SLC5A6: variants seen among roughly 807,000 people sequenced by gnomAD.
SLC5A6 encodes the protein sodium-dependent multivitamin transporter.
In SLC5A6, 31 loss-of-function variants were observed where a neutral mutation model predicts 67.9. That is an observed-to-expected ratio of 0.46 (90% CI 0.34 to 0.62). SLC5A6 has a LOEUF of 0.62. Among genes scored for constraint, SLC5A6 ranks in the 20% least tolerant of loss-of-function variants. SLC5A6 has a pLI of 0.01. For missense variants in SLC5A6, 673 were observed against 812.8 expected (o/e 0.83, Z 2.09); for synonymous variants, 343 against 331.0 (o/e 1.04, Z -0.39).
chr2:27,205,034 G>T, intron 7 of SLC5A6, 103 bp from the exon 8 acceptor site: 1 of 1,390,840 alleles, frequency 7.2e-7, no homozygotes, highest in Non-Finnish European at 1.0e-6. Context: ...AGACACCACT[G>T]CTAGGGCCAA....
rs576386809 is a variant in SLC5A6 at position 27,210,586 on chromosome 2, G to C, written c.-141+881C>G. 2.5e-3 allele frequency among the ~76,000 whole-genome samples: 371 copies of C among 151,386 alleles called. 1 individual carries two copies. The highest frequency in any genetic ancestry group is 7.1e-3 in the African/African-American group (293 of 41,314). ...GCTGGGACTACAGGCATGTGCTACCGCGCCCAGCTAATTTTTTTTTTTTTT... is the reference window on the plus strand; with the variant it reads ...GCTGGGACTACAGGCATGTGCTACCCCGCCCAGCTAATTTTTTTTTTTTTT... On this transcript the variant is annotated intron_variant, in intron 2 of 16. Coordinates refer to ENST00000310574, the MANE Select transcript of SLC5A6 (RefSeq NM_021095.4).
chr2:27,204,782 T>C lies in SLC5A6; in HGVS notation c.875+9A>G, dbSNP rs1673924416. 6.2e-7 allele frequency: 1 copy of C among 1,614,118 alleles called. No homozygotes were observed. The highest frequency in any genetic ancestry group is 1.7e-5 in the Admixed American group (1 of 60,026). On this transcript the variant is annotated intron_variant, in intron 8 of 16. Transcript: ENST00000310574. ...CCTTGCTCCACTCCCTTCCTGTCCC[T>C]GCACTCACAGCACAGCAGCCTTCTC...
chr2:27,208,111 C>T (rs1674206822), intron 2 of SLC5A6, among the ~76,000 whole-genome samples: 1 of 152,212 alleles, frequency 6.6e-6, no homozygotes, highest in Admixed American at 6.5e-5. Flanking sequence ...TTCCCAGCCC[C>T]ACTTGAAGGC....
At position 27,205,521 on chromosome 2, in the gene SLC5A6, G is replaced by A. The variant is rs762976546; in HGVS notation, c.580-17C>T. 5 of 1,613,954 alleles carry A rather than the reference G, an allele frequency of 3.1e-6. No individual in the cohort carries two copies. Among genetic ancestry groups the A allele is most frequent in the Non-Finnish European group, 3.4e-6 (4 of 1,179,916 alleles). On this transcript the variant is annotated splice_polypyrimidine_tract_variant and intron_variant, in intron 6 of 16. Transcript: ENST00000310574. ...CAGCCCACCCTGCAAGGAAAGCACA[G>A]CAAACCTGCCACAGAGGCCTTCTAA...
At chr2:27,212,543 C>A (rs1288240372), upstream of SLC5A6, 3 of 1,500,224 alleles carry the variant, frequency 2.0e-6, no homozygotes, top group Non-Finnish European at 1.8e-6. Context: ...AGCGGCTCCC[C>A]CTTCTCCTCG....
chr2:27,205,486 T>C lies in SLC5A6; in HGVS notation c.598A>G (p.Ile200Val). 1 of 1,614,226 alleles carries C rather than the reference T, an allele frequency of 6.2e-7. No homozygotes were observed. The highest frequency in any genetic ancestry group is 8.5e-7 in the Non-Finnish European group (1 of 1,180,028). Residue 200 changes from isoleucine to valine, a missense_variant, in exon 7 of 17, where the codon ATC (isoleucine) becomes GTC (valine). Transcript: ENST00000310574. The part of the protein sequence containing the change: ...YTALGGLKAV[I>V]WTDVFQTLVM... Reference sequence around the variant, plus strand: ...AGTGTCTGGAACACATCTGTCCAGATGACGGCCTTCAGCCCACCCTGCAAG... The same window carrying C: ...AGTGTCTGGAACACATCTGTCCAGACGACGGCCTTCAGCCCACCCTGCAAG...
chr2:27,212,458 G>A (rs1256240939), upstream of SLC5A6: 2 of 1,563,070 alleles, frequency 1.3e-6, no homozygotes, highest in Admixed American at 1.9e-5. Context: ...GGGCTCTGGC[G>A]CTACCCGAGG....
At position 27,201,397 on chromosome 2, in the gene SLC5A6, T is replaced by C; in HGVS notation, c.1601A>G (p.Asn534Ser). 1.2e-6 allele frequency: 2 copies of C among 1,613,232 alleles called. No homozygotes were observed. The highest frequency in any genetic ancestry group is 2.2e-5 in the East Asian group (1 of 44,840). ...GCCCACCACAATCACTGTGGTGGAG[T>C]TGTGAGCACTGTACCATAAGTAAGA... ...SLSYLWYSAH[N>S]STTVIVVGLI... The change falls in exon 15 of 17, where the codon AAC (asparagine) becomes AGC (serine). Residue 534 changes from asparagine (N) to serine (S), a missense_variant. Asn to Ser is a conservative substitution (Grantham distance 46, BLOSUM62 1). Transcript: ENST00000310574.
intron 16 of SLC5A6, 55 bp from the exon 17 acceptor site, chr2:27,200,634 G>A: frequency 3.2e-6 from 5 of 1,557,622 alleles, no homozygotes; most frequent in Non-Finnish European, 4.3e-6. Flanking sequence ...ACGGGTGCTT[G>A]ACAGGATTCA....
rs1050279369 is a variant in SLC5A6, at chr2:27,212,168, G to A, written c.-356C>T. The A allele has an allele frequency of 6.5e-7, 1 of 1,536,476 alleles. No individual in the cohort carries two copies. Among genetic ancestry groups the A allele is most frequent in the African/African-American group, 1.4e-5 (1 of 71,580 alleles). Reference sequence around the variant, plus strand: ...TTCACTAAAGGGGAAAAGGAAGAGGGGGTCGGCCAGTATCCCCGAAAGAGG... The same window carrying A: ...TTCACTAAAGGGGAAAAGGAAGAGGAGGTCGGCCAGTATCCCCGAAAGAGG... On this transcript the variant is annotated 5_prime_UTR_variant, in exon 1 of 17. Coordinates refer to ENST00000310574, the MANE Select transcript of SLC5A6 (RefSeq NM_021095.4).
Position 27,203,844 on chromosome 2 carries a change from A to C in SLC5A6, c.1029T>G (p.Asp343Glu), listed in dbSNP as rs775255576. Residue 343 changes from aspartate (D) to glutamate (E), a missense_variant, in exon 10 of 17, where the codon GAT becomes GAG. Coordinates refer to ENST00000310574, the MANE Select transcript of SLC5A6 (RefSeq NM_021095.4). ...PDQFVLYFVMDLLKGLPGLPG... is the reference protein window; with the variant it reads ...PDQFVLYFVMELLKGLPGLPG... ...GCAGGCCTGGCAGGCCCTTCAGGAG[A>C]TCCATCACAAAGTACAGGACGAACT... The C allele has an allele frequency of 2.5e-6, 4 of 1,613,982 alleles. No individual in the cohort carries two copies. The highest frequency in any genetic ancestry group is 3.4e-6 in the Non-Finnish European group (4 of 1,179,920).
At chr2:27,206,997 AC>A in intron 3 of SLC5A6, 55 bp from the exon 4 acceptor site, 5 of 1,432,036 alleles carry the variant, frequency 3.5e-6, no homozygotes, top group Non-Finnish European at 4.9e-6. Flanking sequence ...CAACTCACAG[AC>A]AAATTCCCTC....
In SLC5A6 at chr2:27,203,846, C is replaced by T. The variant is rs760545636; in HGVS notation, c.1027G>A (p.Asp343Asn). ...PDQFVLYFVM[D>N]LLKGLPGLPG... ...AGGCCTGGCAGGCCCTTCAGGAGAT[C>T]CATCACAAAGTACAGGACGAACTGC... The change falls in exon 10 of 17, where the codon GAT becomes AAT. Residue 343 changes from aspartate (D) to asparagine (N), a missense_variant. Asp to Asn is a conservative substitution (Grantham distance 23, BLOSUM62 1). Coordinates refer to ENST00000310574, the MANE Select transcript of SLC5A6 (RefSeq NM_021095.4). 1.2e-6 allele frequency: 2 copies of T among 1,614,014 alleles called. No homozygotes were observed. The highest frequency in any genetic ancestry group is 1.7e-6 in the Non-Finnish European group (2 of 1,179,920).
upstream of SLC5A6, chr2:27,212,674 C>T: frequency 7.3e-7 from 1 of 1,367,822 alleles, no homozygotes; most frequent in East Asian, 2.8e-5. Context: ...TTTCAAAGAC[C>T]TGTGAAACTT....
In SLC5A6 at chr2:27,204,460, C is replaced by T. The variant is rs565711489; in HGVS notation, c.1005+1G>A. The T allele has an allele frequency of 1.9e-6, 3 of 1,611,780 alleles. No individual in the cohort carries two copies. Among genetic ancestry groups the T allele is most frequent in the African/African-American group, 1.3e-5 (1 of 74,864 alleles). ...ATGGGAACAGAACAGCGCCTTCTCA[C>T]CTGGTCTGGGGCTGCCTGAGCCTGC... On this transcript the variant is annotated splice_donor_variant, in intron 9 of 16. Transcript: ENST00000310574. LOFTEE classifies it high-confidence loss of function.
chr2:27,203,680 G>A, intron 10 of SLC5A6, 99 bp downstream of exon 10: 2 of 887,874 alleles, frequency 2.3e-6, no homozygotes, highest in Non-Finnish European at 3.8e-6. Flanking sequence ...GAGAAACTTA[G>A]AGGGATTCCC....
chr2:27,199,930 G>A lies in SLC5A6; in HGVS notation c.*506C>T, dbSNP rs1673489930. On this transcript the variant is annotated 3_prime_UTR_variant, in exon 17 of 17. Transcript: ENST00000310574. ...TGGAGGTAGACAGATAAAAATGAGAGGGGCTTGAGTGTCACAGACAATCTG... is the reference window on the plus strand; with the variant it reads ...TGGAGGTAGACAGATAAAAATGAGAAGGGCTTGAGTGTCACAGACAATCTG... 6.5e-6 allele frequency: 1 copy of A among 153,270 alleles called. No homozygotes were observed. Among genetic ancestry groups the A allele is most frequent in the African/African-American group, 2.4e-5 (1 of 41,436 alleles). 9.5% of individuals were successfully genotyped at this position (153,270 alleles called of 1,614,324 possible). A position where few individuals can be genotyped will look rare whatever the true frequency, so the allele number is the denominator to read the frequency against.
At position 27,207,116 on chromosome 2, in the gene SLC5A6, A is replaced by T; in HGVS notation, c.393+142T>A. The T allele has an allele frequency of 9.2e-7, 1 of 1,086,472 alleles. No homozygotes were observed. The highest frequency in any genetic ancestry group is 2.4e-5 in the East Asian group (1 of 41,870). 67.3% of individuals were successfully genotyped at this position (1,086,472 alleles called of 1,614,324 possible). A position where few individuals can be genotyped will look rare whatever the true frequency, so the allele number is the denominator to read the frequency against. On this transcript the variant is annotated intron_variant, in intron 3 of 16. Coordinates refer to ENST00000310574, the MANE Select transcript of SLC5A6 (RefSeq NM_021095.4). The surrounding 1 kb of genome is among the most constrained non-coding windows in gnomAD (Gnocchi z 5.5). ...GCCCCTATACCTAACATCACTGAGA[A>T]AGAATTATAAACACACAATGAGTTT...
chr2:27,203,628 T>C (rs763199958), intron 10 of SLC5A6, 151 bp downstream of exon 10: 7 of 670,370 alleles, frequency 1.0e-5, no homozygotes, highest in Non-Finnish European at 1.9e-5. Flanking sequence ...CCTACAAAGA[T>C]GAGCTATCCC....
Sources: gnomAD v4.1 joint callset for allele counts (sites outside exome capture counted in the v4.1 genomes callset) on GRCh38, gnomAD v4.1.1 for gene constraint, Gnocchi (gnomAD v3.1) non-coding constraint, MANE v1.5 for transcripts, NCBI Gene and HGNC (gene_info 2026-07-23, HGNC 2026-07-21) for gene names.